The following RBFOX1 variants were observed in gnomAD, a reference collection of about 807,000 sequenced individuals.
The protein encoded by RBFOX1 is RNA binding fox-1 homolog 1, also known as RNA binding protein fox-1 homolog 1.
RBFOX1 carries 8 observed loss-of-function variants against 57.7 expected under a neutral mutation model. That is an observed-to-expected ratio of 0.14 (90% confidence interval 0.08 to 0.25). RBFOX1 has a LOEUF of 0.25. Ranked by LOEUF, RBFOX1 falls within the 10% of genes least tolerant of loss-of-function variation. The pLI is 1.00. For synonymous variants in RBFOX1, 326 were observed against 222.4 expected, an observed-to-expected ratio of 1.47 and a Z score of -4.15; for missense variants, 611 against 548.5, an observed-to-expected ratio of 1.11 and a Z score of -1.14.
chr16:7,336,358 G>A (rs1367569497), intron 4 of RBFOX1, among the ~76,000 whole-genome samples: 4 of 152,100 alleles, frequency 2.6e-5, no homozygotes, highest in Non-Finnish European at 4.4e-5. Flanking sequence ...TATGCCCTTG[G>A]GCCATACATG....
intron 1 of RBFOX1, among the ~76,000 whole-genome samples, chr16:5,399,137 G>A (rs1171503886): frequency 6.6e-6 from 1 of 152,200 alleles, no homozygotes; most frequent in African/African-American, 2.4e-5. Flanking sequence ...GTGTGTCAGG[G>A]AGGAATTCCA....
At chr16:5,453,304 G>A (rs2068484191) in intron 1 of RBFOX1, among the ~76,000 whole-genome samples, 1 of 152,176 alleles carries the variant, frequency 6.6e-6, no homozygotes, top group South Asian at 2.1e-4. Flanking sequence ...TAAGTGTGAA[G>A]GGTTCCAGGA....
chr16:5,661,022 G>T (rs573439054), intron 3 of RBFOX1, among the ~76,000 whole-genome samples: 75 of 152,238 alleles, frequency 4.9e-4, no homozygotes, highest in Admixed American at 1.2e-3. Flanking sequence ...CTGTGCTGGG[G>T]CTGGGAGTGC....
chr16:5,771,939 C>T (rs1437971383), intron 3 of RBFOX1, among the ~76,000 whole-genome samples: 2 of 152,066 alleles, frequency 1.3e-5, no homozygotes, highest in African/African-American at 4.8e-5. Context: ...TTTGGGAGGT[C>T]GAGGGGGGTG....
chr16:7,685,306 C>T (rs138744291), intron 14 of RBFOX1, among the ~76,000 whole-genome samples: 165 of 152,252 alleles, frequency 1.1e-3, no homozygotes, highest in African/African-American at 3.9e-3. Flanking sequence ...TCTACTCTCC[C>T]TTCTTCAATG....
chr16:6,270,988 T>C (rs139968430), intron 1 of RBFOX1, among the ~76,000 whole-genome samples: 4 of 152,240 alleles, frequency 2.6e-5, no homozygotes, highest in Non-Finnish European at 5.9e-5. Context: ...AATAAGTGTA[T>C]TGGGCAGAAT....
chr16:7,413,248 C>T (rs1708686748), intron 4 of RBFOX1, among the ~76,000 whole-genome samples: 1 of 152,096 alleles, frequency 6.6e-6, no homozygotes, highest in Admixed American at 6.6e-5. Context: ...TTGGTAACCT[C>T]TTTGTGCCTC....
chr16:6,310,597 C>T (rs1399280679), intron 1 of RBFOX1, among the ~76,000 whole-genome samples: 1 of 152,192 alleles, frequency 6.6e-6, no homozygotes, highest in Non-Finnish European at 1.5e-5. Context: ...GGTCAAGCAG[C>T]TTGCCCAGAA....
intron 1 of RBFOX1, among the ~76,000 whole-genome samples, chr16:5,427,920 A>C (rs1282950619): frequency 6.6e-6 from 1 of 152,204 alleles, no homozygotes; most frequent in Non-Finnish European, 1.5e-5. Context: ...CTTGATGTAC[A>C]CAATTAACCA....
chr16:7,518,537 A>G, intron 5 of RBFOX1, 148 bp downstream of exon 5: 1 of 999,362 alleles, frequency 1.0e-6, no homozygotes, highest in Non-Finnish European at 1.4e-6. Flanking sequence ...AGCTTCCTGA[A>G]GTTTACCTCA....
At chr16:5,283,883 G>C (rs1265816041) in intron 1 of RBFOX1, among the ~76,000 whole-genome samples, 2 of 152,012 alleles carry the variant, frequency 1.3e-5, no homozygotes, top group African/African-American at 4.8e-5. Flanking sequence ...GGGAAGGCAT[G>C]ATTGGTTTTA....
At chr16:6,009,965 C>T (rs1279331632) in intron 4 of RBFOX1, among the ~76,000 whole-genome samples, 1 of 152,154 alleles carries the variant, frequency 6.6e-6, no homozygotes, top group African/African-American at 2.4e-5. Context: ...TGCAGTTGGA[C>T]AGCCACAGCA....
chr16:6,725,865 T>C (rs1416360641), intron 3 of RBFOX1, among the ~76,000 whole-genome samples: 1 of 152,230 alleles, frequency 6.6e-6, no homozygotes, highest in Non-Finnish European at 1.5e-5. Flanking sequence ...GCAGTGTTTC[T>C]CATTTGATTT....
intron 3 of RBFOX1, among the ~76,000 whole-genome samples, chr16:7,051,172 A>C (rs1296789406): frequency 6.6e-6 from 1 of 152,202 alleles, no homozygotes; most frequent in Non-Finnish European, 1.5e-5. Context: ...TGAAGACCTA[A>C]ATTTTATTTC....
At chr16:7,362,333 GTA>G (rs2097342354) in intron 4 of RBFOX1, among the ~76,000 whole-genome samples, 1 of 150,480 alleles carries the variant, frequency 6.6e-6, no homozygotes, top group African/African-American at 2.5e-5. Context: ...TGTTTTGTGT[GTA>G]TGTTAGTGTA....
At chr16:5,789,216 A>G (rs967646180) in intron 3 of RBFOX1, among the ~76,000 whole-genome samples, 3 of 152,196 alleles carry the variant, frequency 2.0e-5, no homozygotes, top group South Asian at 2.1e-4. Context: ...CTGCCATCCT[A>G]TAATACTTTA....
intron 4 of RBFOX1, among the ~76,000 whole-genome samples, chr16:7,400,351 C>A (rs1392968088): frequency 2.0e-5 from 3 of 152,072 alleles, no homozygotes; most frequent in South Asian, 2.1e-4. Flanking sequence ...CCCACTGAAC[C>A]CATCTTTAAG....
At chr16:6,667,646 AC>A (rs1383125587) in intron 3 of RBFOX1, among the ~76,000 whole-genome samples, 2 of 152,018 alleles carry the variant, frequency 1.3e-5, no homozygotes, top group Non-Finnish European at 2.9e-5. Flanking sequence ...CTTTTTGGAC[AC>A]AAGTGGGAGG....
chr16:6,057,044 T>C (rs528648531), intron 1 of RBFOX1: 1 of 151,744 alleles, frequency 6.6e-6, no homozygotes, highest in Non-Finnish European at 1.5e-5. Context: ...AGAAAGAGAT[T>C]CACGTATGGC....
Sources: gnomAD v4.1 joint callset for allele counts (sites outside exome capture counted in the v4.1 genomes callset) on GRCh38, gnomAD v4.1.1 for gene constraint, MANE v1.5 for transcripts, NCBI Gene and HGNC (gene_info 2026-07-23, HGNC 2026-07-21) for gene names.